The following ZMAT4 variants were observed in gnomAD, a reference collection of about 807,000 sequenced individuals.
ZMAT4 encodes the protein zinc finger matrin-type protein 4.
In ZMAT4, 17 loss-of-function variants were observed where a neutral mutation model predicts 28.7. The observed-to-expected ratio is 0.59, with a 90% CI of 0.41 to 0.89. The LOEUF (loss-of-function observed/expected upper bound fraction) is 0.89. Among genes scored for constraint, ZMAT4 ranks in the 40% least tolerant of loss-of-function variants. The pLI is 0.00. For synonymous variants in ZMAT4, 117 were observed against 109.2 expected, an observed-to-expected ratio of 1.07 and a Z score of -0.44; for missense variants, 240 against 283.8, an observed-to-expected ratio of 0.85 and a Z score of 1.11.
chr8:40,707,637 A>G (rs1057020268), intron 3 of ZMAT4, among the ~76,000 whole-genome samples: 13 of 152,190 alleles, frequency 8.5e-5, no homozygotes, highest in African/African-American at 2.4e-4. Context: ...ACATATAAGT[A>G]TATGTGTGTA....
rs532631365 is a variant in ZMAT4, at chr8:40,606,067, A to G, written c.578-24806T>C. ...TTACCTTCAGTTTATGTGAGTCCTTATGTGTGTTCGATTAGTCTCTTGAAG... is the reference window on the plus strand; with the variant it reads ...TTACCTTCAGTTTATGTGAGTCCTTGTGTGTGTTCGATTAGTCTCTTGAAG... On this transcript the variant is annotated intron_variant, in intron 5 of 6. Coordinates refer to ENST00000297737, the MANE Select transcript of ZMAT4 (RefSeq NM_024645.3). Among the ~76,000 whole-genome samples the G allele has an allele frequency of 1.1e-3, 164 of 152,124 alleles. 1 individual carries two copies. The highest frequency in any genetic ancestry group is 6.0e-4 in the Non-Finnish European group (41 of 67,994).
intron 1 of ZMAT4, among the ~76,000 whole-genome samples, chr8:40,855,847 T>C (rs1490556051): frequency 1.3e-5 from 2 of 151,950 alleles, no homozygotes; most frequent in African/African-American, 2.4e-5. Flanking sequence ...AGCTACTTTT[T>C]ATTTTTTATT....
At chr8:40,582,799 T>C (rs952511173) in intron 5 of ZMAT4, among the ~76,000 whole-genome samples, 2 of 152,198 alleles carry the variant, frequency 1.3e-5, no homozygotes, top group South Asian at 2.1e-4. Flanking sequence ...GCCCAGCACA[T>C]AACAAGTGAT....
At chr8:40,840,355 T>C (rs560201640) in intron 1 of ZMAT4, among the ~76,000 whole-genome samples, 23 of 152,310 alleles carry the variant, frequency 1.5e-4, no homozygotes, top group Admixed American at 5.2e-4. Context: ...TGCAGTTGGC[T>C]GAGGCTACTA....
At chr8:40,767,988 G>A (rs1381361147) in intron 2 of ZMAT4, among the ~76,000 whole-genome samples, 1 of 152,080 alleles carries the variant, frequency 6.6e-6, no homozygotes, top group Non-Finnish European at 1.5e-5. Flanking sequence ...GCCTAGGGTG[G>A]ATAATATACT....
rs534345769 is a variant in ZMAT4, at chr8:40,762,004, G to A, written c.192+5637C>T. On this transcript the variant is annotated intron_variant, in intron 3 of 6. Coordinates refer to ENST00000297737, the MANE Select transcript of ZMAT4 (RefSeq NM_024645.3). ...CTCCACTTCTAACTCTCAGTGCTGG[G>A]TACTATTTAAGCTGGAAGCCAAACA... Among the ~76,000 whole-genome samples, 7 of 152,272 alleles carry A rather than the reference G, an allele frequency of 4.6e-5. No homozygotes were observed. The South Asian group carries it at 1.2e-3, about 27-fold the overall frequency.
At chr8:40,896,734 C>T (rs1340433271) in intron 1 of ZMAT4, among the ~76,000 whole-genome samples, 2 of 152,168 alleles carry the variant, frequency 1.3e-5, no homozygotes, top group African/African-American at 4.8e-5. Flanking sequence ...CCGGGGTGAG[C>T]TGTTTTACTT....
intron 5 of ZMAT4, among the ~76,000 whole-genome samples, chr8:40,595,249 G>A (rs1369735496): frequency 1.3e-5 from 2 of 152,226 alleles, no homozygotes; most frequent in Non-Finnish European, 2.9e-5. Context: ...TTTGGGGAGA[G>A]TAGCAATACC....
intron 3 of ZMAT4, among the ~76,000 whole-genome samples, chr8:40,759,459 A>G (rs1812838952): frequency 6.6e-6 from 1 of 152,252 alleles, no homozygotes; most frequent in Admixed American, 6.5e-5. Flanking sequence ...GTACCCTCAC[A>G]AAAAGAGACA....
intron 5 of ZMAT4, among the ~76,000 whole-genome samples, chr8:40,613,514 C>G (rs150875914): frequency 6.7e-6 from 1 of 148,984 alleles, no homozygotes; most frequent in East Asian, 2.0e-4. Flanking sequence ...GTGAAATACA[C>G]TTTGCCCTTT....
In ZMAT4 at chr8:40,756,426, T is replaced by TTATATATA. The variant is rs72008675; in HGVS notation, c.192+11207_192+11214dup. On this transcript the variant is annotated intron_variant, in intron 3 of 6. Transcript: ENST00000297737. Reference sequence around the variant, plus strand: ...AATTTCATGTCTAGGAAATGTTCTTTTATATATATATATATATATATATAT... The same window carrying TTATATATA: ...AATTTCATGTCTAGGAAATGTTCTTTTATATATATATATATATATATATATATATATAT... Among the ~76,000 whole-genome samples, 667 of 73,216 alleles carry TTATATATA rather than the reference T, an allele frequency of 9.1e-3. 34 individuals carry two copies. The highest frequency in any genetic ancestry group is 0.028 in the East Asian group (61 of 2,194). 48.0% of individuals were successfully genotyped at this position (73,216 alleles called of 152,430 possible). A position where few individuals can be genotyped will look rare whatever the true frequency, so the allele number is the denominator to read the frequency against.
intron 2 of ZMAT4, among the ~76,000 whole-genome samples, chr8:40,791,750 G>A (rs543467449): frequency 5.3e-5 from 8 of 152,298 alleles, no homozygotes; most frequent in Admixed American, 3.9e-4. Context: ...ACTACACTGA[G>A]CAGCATATTC....
chr8:40,536,963 T>C (rs1481120546), intron 6 of ZMAT4, among the ~76,000 whole-genome samples: 1 of 151,180 alleles, frequency 6.6e-6, no homozygotes, highest in African/African-American at 2.4e-5. Flanking sequence ...CTAGAGAGAA[T>C]AGAATCAGGA....
intron 1 of ZMAT4, among the ~76,000 whole-genome samples, chr8:40,849,358 C>T (rs1817020817): frequency 6.6e-6 from 1 of 152,156 alleles, no homozygotes; most frequent in African/African-American, 2.4e-5. Context: ...ATTATTTACT[C>T]GTAACATATT....
intron 3 of ZMAT4, among the ~76,000 whole-genome samples, chr8:40,728,571 C>T (rs1222548708): frequency 6.6e-6 from 1 of 152,192 alleles, no homozygotes; most frequent in Admixed American, 6.5e-5. Flanking sequence ...GCACAACAAT[C>T]AAAAATGCCT....
intron 1 of ZMAT4, among the ~76,000 whole-genome samples, chr8:40,892,055 G>A (rs536294738): frequency 1.3e-5 from 2 of 152,260 alleles, no homozygotes; most frequent in African/African-American, 4.8e-5. Context: ...GCCACCACGT[G>A]TGTGGCGGTG....
intron 2 of ZMAT4, among the ~76,000 whole-genome samples, chr8:40,798,365 G>A (rs1814682571): frequency 1.3e-5 from 2 of 152,282 alleles, no homozygotes; most frequent in Non-Finnish European, 2.9e-5. Context: ...CTGTTCCAAG[G>A]TCCCAATGCC....
intron 5 of ZMAT4, among the ~76,000 whole-genome samples, chr8:40,661,639 A>G (rs1185407961): frequency 6.6e-6 from 1 of 152,186 alleles, no homozygotes; most frequent in Non-Finnish European, 1.5e-5. Flanking sequence ...ATAGTTTCCC[A>G]TTTGTTCTAG....
chr8:40,820,819 A>ATGTGTATGTTTATGTGTGTATG (rs1815766348), intron 2 of ZMAT4, among the ~76,000 whole-genome samples: 1 of 9,810 alleles, frequency 1.0e-4, no homozygotes, highest in Non-Finnish European at 1.8e-4. Context: ...GGGTGTGTGT[A>ATGTGTATGTTTATGTGTGTATG]TGTGTATGTT....
Sources: gnomAD v4.1 joint callset for allele counts (sites outside exome capture counted in the v4.1 genomes callset) on GRCh38, gnomAD v4.1.1 for gene constraint, MANE v1.5 for transcripts, NCBI Gene and HGNC (gene_info 2026-07-23, HGNC 2026-07-21) for gene names.